CDKL4: variants seen among roughly 807,000 people sequenced by gnomAD.
CDKL4 encodes the protein cyclin dependent kinase like 4, also known as cyclin-dependent kinase-like 4.
A neutral mutation model predicts 42.0 loss-of-function variants in CDKL4; 44 were observed. The ratio of observed to expected loss-of-function variants is 1.05; its 90% CI spans 0.82 to 1.35. The LOEUF (loss-of-function observed/expected upper bound fraction) is 1.35. Among genes scored for constraint, CDKL4 ranks in the 40% most tolerant of loss-of-function variants. CDKL4 has a pLI of 0.00. For missense variants in CDKL4, 393 were observed against 369.9 expected, an observed-to-expected ratio of 1.06 and a Z score of -0.51; for synonymous variants, 120 against 121.6, an observed-to-expected ratio of 0.99 and a Z score of 0.09.
At chr2:39,185,177 CATATGTGTATATACATATATAT>C (rs1675662379) in intron 7 of CDKL4, among the ~76,000 whole-genome samples, 2 of 112,678 alleles carry the variant, frequency 1.8e-5, no homozygotes, top group African/African-American at 7.4e-5. Context: ...TATATATATA[CATATGTGTATATACATATATAT>C]ACACATACGT....
intron 5 of CDKL4, among the ~76,000 whole-genome samples, chr2:39,199,675 T>C (rs755468415): frequency 1.6e-4 from 25 of 152,314 alleles, no homozygotes; most frequent in Admixed American, 2.6e-4. Context: ...GATGCAGGGA[T>C]GGTTTAACAT....
chr2:39,238,628 C>T (rs1679490661), intron 1 of CDKL4, among the ~76,000 whole-genome samples: 1 of 152,022 alleles, frequency 6.6e-6, no homozygotes, highest in African/African-American at 2.4e-5. Flanking sequence ...TAAAATTTTA[C>T]TATAAAGTTA....
upstream of CDKL4, among the ~76,000 whole-genome samples, chr2:39,245,888 T>C (rs971580131): frequency 1.3e-5 from 2 of 152,228 alleles, no homozygotes; most frequent in Non-Finnish European, 2.9e-5. Context: ...AGCATTGTAC[T>C]AGTACCTGAG....
chr2:39,209,560 C>G (rs935934545), intron 4 of CDKL4, among the ~76,000 whole-genome samples: 1 of 152,198 alleles, frequency 6.6e-6, no homozygotes, highest in African/African-American at 2.4e-5. Flanking sequence ...AATGCAGACT[C>G]TGATTCAGCA....
chr2:39,170,447 TTTGTTG>T, the CDKL4 span, among the ~76,000 whole-genome samples: 5 of 151,818 alleles, frequency 3.3e-5, no homozygotes, highest in African/African-American at 7.3e-5. Context: ...TTTTTAGTTT[TTTGTTG>T]TTGTTGTTGT....
At chr2:39,173,102 T>C (rs1256357265), downstream of CDKL4, among the ~76,000 whole-genome samples, 2 of 152,206 alleles carry the variant, frequency 1.3e-5, no homozygotes, top group African/African-American at 4.8e-5. Context: ...TGAAACATAA[T>C]TACAAGCAAA....
Position 39,203,197 on chromosome 2 carries a change from G to A in CDKL4, c.454+1330C>T, listed in dbSNP as rs180827193. On this transcript the variant is annotated intron_variant, in intron 5 of 9. Transcript: ENST00000451199. The stretch of plus-strand genomic sequence containing the variant: ...GCATATTCAGCTCAGAAATGCAAAG[G>A]AAAATGAAAAAGGAAAGGAAAAAAA... Among the ~76,000 whole-genome samples, 394 of 151,792 alleles carry A rather than the reference G, an allele frequency of 2.6e-3. 2 individuals are homozygous for A. The highest frequency in any genetic ancestry group is 9.0e-3 in the African/African-American group (374 of 41,400).
upstream of CDKL4, among the ~76,000 whole-genome samples, chr2:39,246,860 C>T (rs138876843): frequency 3.7e-3 from 569 of 152,304 alleles, 5 homozygotes; most frequent in African/African-American, 0.013. Flanking sequence ...TCTCTTGCCT[C>T]AGCCTCCCTC....
Position 39,198,210 on chromosome 2 carries a change from C to CT in CDKL4, c.454+6316dup, listed in dbSNP as rs1184181109. On this transcript the variant is annotated intron_variant, in intron 5 of 9. Transcript: ENST00000451199. ...CTATTCTCATATCAGACAAAACAGA[C>CT]TTTAAAGCAACAGCAGTTAAAAAAG... is the stretch of plus-strand genomic sequence containing the variant. Among the ~76,000 whole-genome samples, 51 of 148,360 alleles carry CT rather than the reference C, an allele frequency of 3.4e-4. No homozygotes were observed. In the East Asian group the frequency reaches 9.5e-3, roughly 28 times the overall value.
intron 1 of CDKL4, among the ~76,000 whole-genome samples, chr2:39,230,968 G>A (rs1293422553): frequency 6.6e-6 from 1 of 152,150 alleles, no homozygotes; most frequent in African/African-American, 2.4e-5. Flanking sequence ...CCAGAACTCT[G>A]GGAGGTCGAG....
chr2:39,197,489 A>AG (rs1445703641), intron 5 of CDKL4, among the ~76,000 whole-genome samples: 1 of 152,180 alleles, frequency 6.6e-6, no homozygotes, highest in Non-Finnish European at 1.5e-5. Flanking sequence ...AATCCCAAGA[A>AG]CATCAGGGAA....
chr2:39,169,728 C>T, the CDKL4 span, among the ~76,000 whole-genome samples: 1 of 152,190 alleles, frequency 6.6e-6, no homozygotes, highest in Non-Finnish European at 1.5e-5. Context: ...CAGTTTAGGC[C>T]TAGAACCTAG....
At chr2:39,243,915 C>T (rs902714434) in exon 1 of CDKL4, among the ~76,000 whole-genome samples, 1 of 152,258 alleles carries the variant, frequency 6.6e-6, no homozygotes, top group African/African-American at 2.4e-5. Flanking sequence ...CAGCGCCGAA[C>T]AGCCCCAGCC....
In CDKL4 at chr2:39,177,738, G is replaced by A. The variant is rs1054014344; in HGVS notation, c.927+1449C>T. Reference sequence around the variant, plus strand: ...GAAGTCTCACTCTGTTGCCCAGGCTGCAGTGCAGTGACACAATCTCAGCTC... The same window carrying A: ...GAAGTCTCACTCTGTTGCCCAGGCTACAGTGCAGTGACACAATCTCAGCTC... On this transcript the variant is annotated intron_variant, in intron 9 of 9. Coordinates refer to ENST00000451199, the Ensembl canonical transcript of CDKL4. Among the ~76,000 whole-genome samples, 5 of 151,296 alleles carry A rather than the reference G, an allele frequency of 3.3e-5. 1 individual carries two copies. The South Asian group carries it at 1.0e-3, about 32-fold the overall frequency.
At chr2:39,213,433 T>G (rs769700222) in exon 4 of CDKL4, 25 of 1,610,988 alleles carry the variant, frequency 1.6e-5, no homozygotes, top group Non-Finnish European at 2.1e-5. Context: ...GAGCTTGAAG[T>G]GTTTGCCATA....
At chr2:39,184,740 G>A (rs1675623762) in intron 7 of CDKL4, 93 bp from the exon 8 acceptor site, 2 of 788,306 alleles carry the variant, frequency 2.5e-6, no homozygotes, top group African/African-American at 1.7e-5. Context: ...GTGTGTGTGT[G>A]TGTGTGTATT....
chr2:39,221,528 G>A (rs1049795427), intron 3 of CDKL4, among the ~76,000 whole-genome samples: 2 of 152,116 alleles, frequency 1.3e-5, no homozygotes, highest in African/African-American at 4.8e-5. Context: ...ATTAATCATT[G>A]TTATCTAGAA....
At chr2:39,242,053 T>C (rs1366191761) in intron 1 of CDKL4, among the ~76,000 whole-genome samples, 1 of 151,834 alleles carries the variant, frequency 6.6e-6, no homozygotes, top group Non-Finnish European at 1.5e-5. Context: ...CCTTTTTTTT[T>C]TTTTTTAACT....
downstream of CDKL4, among the ~76,000 whole-genome samples, chr2:39,175,396 T>C (rs1044438254): frequency 6.6e-6 from 1 of 152,224 alleles, no homozygotes; most frequent in South Asian, 2.1e-4. Context: ...TAATTTTCTC[T>C]AGCTAGCTTT....
Sources: allele counts gnomAD v4.1 joint callset (sites outside exome capture counted in the v4.1 genomes callset), GRCh38; gene constraint gnomAD v4.1.1; transcripts MANE v1.5; gene names NCBI Gene and HGNC (gene_info 2026-07-23, HGNC 2026-07-21).